The following IL26 variants were observed in gnomAD, a reference collection of about 807,000 sequenced individuals.
IL26 encodes the protein interleukin 26.
IL26 carries 23 observed loss-of-function variants against 21.7 expected under a neutral mutation model. That is an observed-to-expected ratio of 1.06 (90% CI 0.76 to 1.50). IL26 has a LOEUF of 1.50. Among genes scored for constraint, IL26 ranks in the 40% most tolerant of loss-of-function variants. The pLI is 0.00. For synonymous variants in IL26, 63 were observed against 67.8 expected (o/e 0.93, Z 0.34); for missense variants, 204 against 196.0 (o/e 1.04, Z -0.24).
At chr12:68,218,160 T>G (rs1219019113) in intron 3 of IL26, among the ~76,000 whole-genome samples, 1 of 151,996 alleles carries the variant, frequency 6.6e-6, no homozygotes, top group East Asian at 1.9e-4. Flanking sequence ...TCCAACAAGG[T>G]AAAATTCATA....
intron 3 of IL26, among the ~76,000 whole-genome samples, chr12:68,223,884 G>GTTTTTT (rs376115904): frequency 5.3e-5 from 7 of 132,222 alleles, no homozygotes; most frequent in African/African-American, 1.1e-4. Context: ...AAATTTGGTG[G>GTTTTTT]TTTTTTTTTT....
chr12:68,207,871 G>A (rs1193729642), intron 3 of IL26, among the ~76,000 whole-genome samples: 1 of 147,898 alleles, frequency 6.8e-6, no homozygotes, highest in East Asian at 1.9e-4. Flanking sequence ...AAATAGACTA[G>A]TACATACATA....
intron 3 of IL26, among the ~76,000 whole-genome samples, chr12:68,204,516 T>C (rs1196308435): frequency 1.3e-5 from 2 of 152,120 alleles, no homozygotes; most frequent in East Asian, 3.8e-4. Context: ...CGAAGTTAAA[T>C]AAAACAGGCA....
intron 3 of IL26, among the ~76,000 whole-genome samples, chr12:68,202,317 CA>C (rs950721169): frequency 6.6e-6 from 1 of 152,192 alleles, no homozygotes; most frequent in African/African-American, 2.4e-5. Flanking sequence ...GCTGTGTTAG[CA>C]ACTCTCGAAA....
chr12:68,219,518 A>G (rs992155742), intron 3 of IL26, among the ~76,000 whole-genome samples: 4 of 151,972 alleles, frequency 2.6e-5, no homozygotes, highest in African/African-American at 9.6e-5. Flanking sequence ...AGATTGTGAA[A>G]TGTAACTAAA....
intron 3 of IL26, among the ~76,000 whole-genome samples, chr12:68,220,679 C>T (rs934222454): frequency 6.6e-5 from 10 of 152,240 alleles, no homozygotes; most frequent in African/African-American, 2.2e-4. Context: ...ATCTGTCATC[C>T]AGGTTGGAGT....
chr12:68,225,277 A>G lies in IL26; in HGVS notation c.235T>C (p.Cys79Arg). Residue 79 changes from cysteine to arginine, a missense_variant, in exon 3 of 5, where the codon TGT becomes CGT. Transcript: ENST00000229134. ...KKTKKQFMKN[C>R]QFQEQLLSFF... ...GACAGAAGCTGTTCTTGAAATTGAC[A>G]GTTTTTCTAAAAATAAGATACAAGA... 3 of 1,603,620 alleles carry G rather than the reference A, an allele frequency of 1.9e-6. No individual in the cohort carries two copies. The highest frequency in any genetic ancestry group is 1.7e-6 in the Non-Finnish European group (2 of 1,176,260).
chr12:68,216,164 G>A (rs1295210153), intron 3 of IL26, among the ~76,000 whole-genome samples: 1 of 151,726 alleles, frequency 6.6e-6, no homozygotes, highest in Non-Finnish European at 1.5e-5. Flanking sequence ...GCTGGCACAC[G>A]CCTGTAGTCC....
chr12:68,225,538 T>C (rs1869219637), intron 1 of IL26, 38 bp from the exon 2 acceptor site: 5 of 1,605,000 alleles, frequency 3.1e-6, no homozygotes, highest in Non-Finnish European at 2.6e-6. Flanking sequence ...GTATCCAAGA[T>C]TGTAAATGTC....
chr12:68,213,611 G>A (rs1868794816), intron 3 of IL26, among the ~76,000 whole-genome samples: 1 of 151,972 alleles, frequency 6.6e-6, no homozygotes, highest in Admixed American at 6.6e-5. Flanking sequence ...GGTTGCATGT[G>A]TCTAGTAATT....
chr12:68,222,520 T>C (rs971008526), intron 3 of IL26, among the ~76,000 whole-genome samples: 26 of 152,176 alleles, frequency 1.7e-4, no homozygotes, highest in Admixed American at 3.9e-4. Flanking sequence ...GTTTAGCCTA[T>C]AGCATCATAC....
intron 3 of IL26, among the ~76,000 whole-genome samples, chr12:68,218,733 A>G (rs941361506): frequency 5.3e-5 from 8 of 152,100 alleles, no homozygotes; most frequent in Admixed American, 2.0e-4. Flanking sequence ...TTCCCAATCA[A>G]CTCCAAGCAC....
At chr12:68,224,101 C>T (rs894579764) in intron 3 of IL26, among the ~76,000 whole-genome samples, 21 of 150,230 alleles carry the variant, frequency 1.4e-4, no homozygotes, top group African/African-American at 4.8e-4. Flanking sequence ...GGATGAAGAG[C>T]TCCTTTCCAA....
rs753424343 is a variant in IL26, at chr12:68,201,893, C to A, written c.468G>T (p.Leu156=). 1 of 1,606,130 alleles carries A rather than the reference C, an allele frequency of 6.2e-7. No homozygotes were observed. The highest frequency in any genetic ancestry group is 1.1e-5 in the South Asian group (1 of 88,468). ...TTTTAATCCAGGAAAGAAGAATATC[C>A]AGTTCACTGATGGCTTTGTAGATTC... The part of the protein sequence containing the change: ...NKGIYKAISE[L]DILLSWIKKL... The change falls in exon 5 of 5, where the codon CTG becomes CTT. Residue 156 remains leucine (L), a synonymous_variant. Coordinates refer to ENST00000229134, the MANE Select transcript of IL26 (RefSeq NM_018402.2).
chr12:68,222,678 C>T (rs1869088028), intron 3 of IL26, among the ~76,000 whole-genome samples: 1 of 152,140 alleles, frequency 6.6e-6, no homozygotes, highest in African/African-American at 2.4e-5. Flanking sequence ...GCGTGCAGAA[C>T]GGAAGGCCCC....
chr12:68,204,699 C>T (rs200470122), intron 3 of IL26, among the ~76,000 whole-genome samples: 1 of 148,950 alleles, frequency 6.7e-6, no homozygotes, highest in East Asian at 2.1e-4. Flanking sequence ...AAAAAAAAAA[C>T]TAGCAGTGCC....
chr12:68,201,551 C>T lies in IL26; in HGVS notation c.*294G>A, dbSNP rs114194548. On this transcript the variant is annotated 3_prime_UTR_variant, in exon 5 of 5. Transcript: ENST00000229134. ...CATCCCACTCCACACACAAATATTA[C>T]ACGAGTTAATTCAGGTTACATACTT... 2.3e-3 allele frequency: 540 copies of T among 232,544 alleles called. 7 individuals are homozygous for T. Among genetic ancestry groups the T allele is most frequent in the African/African-American group, 0.012 (514 of 43,708 alleles). The allele number at this position is 232,544 out of a possible 1,614,324, so 14.4% of individuals were successfully genotyped here.
chr12:68,208,589 G>A (rs767850727), intron 3 of IL26, among the ~76,000 whole-genome samples: 12 of 152,064 alleles, frequency 7.9e-5, no homozygotes, highest in Non-Finnish European at 1.2e-4. Context: ...TGCAACCTCC[G>A]TATCCTGGGT....
chr12:68,215,265 C>T (rs148352759), intron 3 of IL26, among the ~76,000 whole-genome samples: 10 of 152,244 alleles, frequency 6.6e-5, no homozygotes, highest in Non-Finnish European at 1.3e-4. Context: ...CTCAATCCCA[C>T]GTTTTCCAGT....
Sources: gnomAD v4.1 joint callset for allele counts (sites outside exome capture counted in the v4.1 genomes callset) on GRCh38, gnomAD v4.1.1 for gene constraint, MANE v1.5 for transcripts, NCBI Gene and HGNC (gene_info 2026-07-23, HGNC 2026-07-21) for gene names.